MYO1E: variants seen among roughly 807,000 people sequenced by gnomAD.
The protein encoded by MYO1E is myosin IE.
MYO1E carries 68 observed loss-of-function variants against 151.1 expected under a neutral mutation model. That is an observed-to-expected ratio of 0.45 (90% CI 0.37 to 0.55). The LOEUF (loss-of-function observed/expected upper bound fraction) is 0.55. Ranked by LOEUF, MYO1E falls within the 20% of genes least tolerant of loss-of-function variation. The pLI, the probability that MYO1E is intolerant of heterozygous loss-of-function variation, is 0.00. For missense variants in MYO1E, 1,363 were observed against 1,389.3 expected, an observed-to-expected ratio of 0.98 and a Z score of 0.30; for synonymous variants, 601 against 501.7, an observed-to-expected ratio of 1.20 and a Z score of -2.64.
At chr15:59,280,843 A>C (rs961440084) in intron 1 of MYO1E, among the ~76,000 whole-genome samples, 1 of 152,186 alleles carries the variant, frequency 6.6e-6, no homozygotes, top group Non-Finnish European at 1.5e-5. Flanking sequence ...TATTATAAAA[A>C]TTTTGATTAC....
At chr15:59,371,624 C>G (rs2080945322) in intron 1 of MYO1E, among the ~76,000 whole-genome samples, 1 of 152,254 alleles carries the variant, frequency 6.6e-6, no homozygotes. Flanking sequence ...CGGCCCCTTC[C>G]ACACATTCCC....
intron 5 of MYO1E, among the ~76,000 whole-genome samples, chr15:59,233,269 C>T (rs148700989): frequency 2.6e-5 from 4 of 152,208 alleles, no homozygotes; most frequent in Non-Finnish European, 2.9e-5. Context: ...TCCATCCATC[C>T]GTCCGTCCAT....
At chr15:59,341,673 T>C (rs1278212943) in intron 1 of MYO1E, among the ~76,000 whole-genome samples, 1 of 152,226 alleles carries the variant, frequency 6.6e-6, no homozygotes, top group Non-Finnish European at 1.5e-5. Context: ...AAATGACAAA[T>C]GACAGGGTTT....
chr15:59,333,244 C>G (rs1381899565), intron 1 of MYO1E, among the ~76,000 whole-genome samples: 2 of 151,946 alleles, frequency 1.3e-5, no homozygotes, highest in Non-Finnish European at 2.9e-5. Flanking sequence ...CTTTCTTTTT[C>G]TTTTTCTTTT....
chr15:59,349,631 T>C (rs1460063897), intron 1 of MYO1E, among the ~76,000 whole-genome samples: 11 of 152,188 alleles, frequency 7.2e-5, no homozygotes, highest in African/African-American at 2.7e-4. Context: ...CGTTCTGTGA[T>C]GTCTGTTCTA....
At chr15:59,195,396 G>C in intron 17 of MYO1E, 65 bp downstream of exon 17, 1 of 1,375,140 alleles carries the variant, frequency 7.3e-7, no homozygotes, top group Non-Finnish European at 1.0e-6. Flanking sequence ...CTGTGATGGA[G>C]GACGGCTCAT....
At chr15:59,167,182 G>A (rs546567443) in intron 22 of MYO1E, among the ~76,000 whole-genome samples, 1 of 152,330 alleles carries the variant, frequency 6.6e-6, no homozygotes, top group South Asian at 2.1e-4. Context: ...TTCTGGGCAA[G>A]AATGTTGTGA....
intron 8 of MYO1E, among the ~76,000 whole-genome samples, 180 bp downstream of exon 8, chr15:59,224,508 AG>A (rs1370868624): frequency 2.0e-5 from 3 of 152,208 alleles, no homozygotes; most frequent in Admixed American, 1.3e-4. Flanking sequence ...AGTGGTCCTC[AG>A]GCAACTGGCA....
At chr15:59,369,896 C>G (rs1025614880) in intron 1 of MYO1E, among the ~76,000 whole-genome samples, 2 of 152,190 alleles carry the variant, frequency 1.3e-5, no homozygotes, top group African/African-American at 4.8e-5. Flanking sequence ...CACGCACACA[C>G]ACACACTCAC....
intron 10 of MYO1E, among the ~76,000 whole-genome samples, chr15:59,216,490 T>C (rs1212148395): frequency 6.7e-6 from 1 of 150,212 alleles, no homozygotes; most frequent in Non-Finnish European, 1.5e-5. Context: ...CAGAGATTGT[T>C]ACTGGCAGCT....
intron 1 of MYO1E, among the ~76,000 whole-genome samples, chr15:59,341,581 G>A (rs186595870): frequency 1.5e-3 from 221 of 152,172 alleles, no homozygotes; most frequent in African/African-American, 5.2e-3. Context: ...CCACAAATAA[G>A]TGAGAAAATA....
chr15:59,160,345 G>A (rs1232398683), intron 24 of MYO1E, among the ~76,000 whole-genome samples: 1 of 134,126 alleles, frequency 7.5e-6, no homozygotes, highest in African/African-American at 3.8e-5. Flanking sequence ...GCGTGTGTGT[G>A]TGTGTGTGTG....
intron 1 of MYO1E, among the ~76,000 whole-genome samples, chr15:59,366,318 C>G (rs183346499): frequency 3.3e-5 from 5 of 150,632 alleles, no homozygotes; most frequent in Admixed American, 6.6e-5. Context: ...CTTTCTCTCT[C>G]TCTCTCTCAC....
At chr15:59,359,384 G>A (rs1318569711) in intron 1 of MYO1E, among the ~76,000 whole-genome samples, 1 of 150,082 alleles carries the variant, frequency 6.7e-6, no homozygotes, top group African/African-American at 2.4e-5. Flanking sequence ...AGATACTCAA[G>A]AGGCTGAGAT....
At chr15:59,177,978 GGAC>G (rs2079635287) in intron 19 of MYO1E, among the ~76,000 whole-genome samples, 1 of 152,180 alleles carries the variant, frequency 6.6e-6, no homozygotes, top group South Asian at 2.1e-4. Context: ...ACCATGGGTG[GGAC>G]ACTGAAGTCC....
chr15:59,255,091 GTAT>G (rs2140369879), intron 4 of MYO1E, among the ~76,000 whole-genome samples: 1 of 151,878 alleles, frequency 6.6e-6, no homozygotes, highest in Non-Finnish European at 1.5e-5. Flanking sequence ...CTCCACTAAG[GTAT>G]AAGCCTTTTT....
intron 23 of MYO1E, among the ~76,000 whole-genome samples, chr15:59,162,947 C>G (rs2079546042): frequency 6.6e-6 from 1 of 152,148 alleles, no homozygotes; most frequent in Non-Finnish European, 1.5e-5. Context: ...TCTATGAAGT[C>G]ATTATTTCAC....
chr15:59,165,433 C>T (rs1188111642), intron 22 of MYO1E, among the ~76,000 whole-genome samples: 3 of 152,196 alleles, frequency 2.0e-5, no homozygotes, highest in African/African-American at 7.2e-5. Context: ...GGGTGGAACA[C>T]TTGGTCATTA....
At chr15:59,196,036 C>G (rs991877648) in intron 16 of MYO1E, among the ~76,000 whole-genome samples, 4 of 152,064 alleles carry the variant, frequency 2.6e-5, no homozygotes, top group Non-Finnish European at 4.4e-5. Context: ...TTCTGGCAAT[C>G]CAACTAATGA....
Sources: allele counts gnomAD v4.1 joint callset (sites outside exome capture counted in the v4.1 genomes callset), GRCh38; gene constraint gnomAD v4.1.1; transcripts MANE v1.5; gene names NCBI Gene and HGNC (gene_info 2026-07-23, HGNC 2026-07-21).